The following DYM variants were observed in gnomAD, a reference collection of about 807,000 sequenced individuals.
DYM encodes the protein dyggve-Melchior-Clausen syndrome protein.
In DYM, 78 loss-of-function variants were observed where a neutral mutation model predicts 93.1. That is an observed-to-expected ratio of 0.84 (90% CI 0.70 to 1.01). DYM has a LOEUF of 1.01. Among genes scored for constraint, DYM ranks in the 50% least tolerant of loss-of-function variants. The pLI is 0.00. For synonymous variants in DYM, 321 were observed against 319.7 expected, an observed-to-expected ratio of 1.00 and a Z score of -0.04; for missense variants, 789 against 845.0, an observed-to-expected ratio of 0.93 and a Z score of 0.82.
intron 8 of DYM, among the ~76,000 whole-genome samples, chr18:49,292,796 A>C (rs938853867): frequency 1.3e-5 from 2 of 152,082 alleles, no homozygotes; most frequent in African/African-American, 4.8e-5. Flanking sequence ...AAAATTAACT[A>C]AAAGAACAAA....
chr18:49,076,090 C>T (rs561344139), intron 17 of DYM, among the ~76,000 whole-genome samples: 28 of 151,704 alleles, frequency 1.8e-4, no homozygotes, highest in African/African-American at 6.8e-4. Flanking sequence ...CAAAGCAAAA[C>T]GGATCAACCA....
intron 2 of DYM, among the ~76,000 whole-genome samples, chr18:49,422,582 A>G (rs1378042724): frequency 6.6e-6 from 1 of 152,214 alleles, no homozygotes; most frequent in Non-Finnish European, 1.5e-5. Flanking sequence ...AAATGCTCCA[A>G]TTAAAAGACA....
intron 8 of DYM, among the ~76,000 whole-genome samples, chr18:49,289,758 T>TAC (rs1232919148): frequency 5.2e-5 from 2 of 38,164 alleles, no homozygotes; most frequent in African/African-American, 6.9e-5. Context: ...TATATATATA[T>TAC]ATATATATAT....
intron 17 of DYM, chr18:49,097,114 T>A (rs1031601737): frequency 2.1e-6 from 1 of 477,558 alleles, no homozygotes; most frequent in Non-Finnish European, 3.8e-6. Flanking sequence ...CTCTTGATGA[T>A]ACTCTTAAGG....
chr18:49,341,719 T>C (rs1052359533), intron 6 of DYM, among the ~76,000 whole-genome samples: 11 of 152,080 alleles, frequency 7.2e-5, no homozygotes, highest in African/African-American at 2.7e-4. Flanking sequence ...AATTAAAAAA[T>C]TGACTATTTA....
chr18:49,346,529 T>C (rs1165902626), intron 6 of DYM, among the ~76,000 whole-genome samples: 3 of 152,160 alleles, frequency 2.0e-5, no homozygotes, highest in Non-Finnish European at 4.4e-5. Flanking sequence ...AGTTTCTCTT[T>C]GGATAATGAA....
At chr18:49,381,936 A>G (rs2068079081) in intron 3 of DYM, among the ~76,000 whole-genome samples, 1 of 152,164 alleles carries the variant, frequency 6.6e-6, no homozygotes, top group Non-Finnish European at 1.5e-5. Flanking sequence ...AGAATAGTTA[A>G]GGTTTGCAAA....
At chr18:49,309,676 A>T (rs746388363) in intron 8 of DYM, among the ~76,000 whole-genome samples, 7 of 152,248 alleles carry the variant, frequency 4.6e-5, no homozygotes, top group Non-Finnish European at 1.0e-4. Flanking sequence ...TGTAATGTAT[A>T]AACCATAGAT....
At chr18:49,047,774 T>C (rs1316664030) in intron 17 of DYM, among the ~76,000 whole-genome samples, 2 of 152,010 alleles carry the variant, frequency 1.3e-5, no homozygotes, top group African/African-American at 4.8e-5. Flanking sequence ...TGGAATCAGG[T>C]GTCTAAGAGG....
intron 1 of DYM, among the ~76,000 whole-genome samples, chr18:49,444,651 T>G (rs955847522): frequency 6.6e-6 from 1 of 152,164 alleles, no homozygotes; most frequent in African/African-American, 2.4e-5. Context: ...TCAATGCAAG[T>G]AGAAACGAAC....
intron 8 of DYM, among the ~76,000 whole-genome samples, chr18:49,302,268 AATAG>A (rs1349963331): frequency 5.3e-5 from 8 of 152,214 alleles, no homozygotes; most frequent in African/African-American, 1.9e-4. Flanking sequence ...CATGGCTCTA[AATAG>A]ATACTGTTCC....
chr18:49,050,858 G>A (rs1240985340), intron 17 of DYM, among the ~76,000 whole-genome samples: 2 of 152,122 alleles, frequency 1.3e-5, no homozygotes, highest in Non-Finnish European at 2.9e-5. Context: ...TTCTAAGAAG[G>A]CAGGGACCTT....
chr18:49,316,731 C>A (rs530665695), intron 8 of DYM, among the ~76,000 whole-genome samples: 28 of 152,208 alleles, frequency 1.8e-4, no homozygotes, highest in African/African-American at 6.5e-4. Flanking sequence ...TCCCCCTGAA[C>A]CCCTGGCTAT....
chr18:49,428,969 T>C (rs1328858940), intron 2 of DYM, among the ~76,000 whole-genome samples: 1 of 152,256 alleles, frequency 6.6e-6, no homozygotes, highest in Non-Finnish European at 1.5e-5. Flanking sequence ...CTTACAGTTC[T>C]GTAGGTCAGA....
rs192163744 is a variant in DYM, at chr18:49,378,558, A to C, written c.421+9T>G. ...ATATATCCAGAACATCTTTAAAAACAATACTTACTGTAATTGCCAGGAGAT... is the reference window on the plus strand; with the variant it reads ...ATATATCCAGAACATCTTTAAAAACCATACTTACTGTAATTGCCAGGAGAT... On this transcript the variant is annotated intron_variant, in intron 5 of 17. Transcript: ENST00000675505. 6.7e-5 allele frequency: 108 copies of C among 1,605,248 alleles called. No individual in the cohort carries two copies. The East Asian group carries it at 2.4e-3, about 36-fold the overall frequency.
At chr18:49,157,120 T>C (rs1389588727) in intron 15 of DYM, among the ~76,000 whole-genome samples, 29 of 152,056 alleles carry the variant, frequency 1.9e-4, no homozygotes, top group African/African-American at 2.4e-5. Context: ...AGTCCATCTT[T>C]GGGGTTCAGG....
At chr18:49,440,947 A>ATAATATT (rs553107253) in intron 1 of DYM, among the ~76,000 whole-genome samples, 2 of 698 alleles carry the variant, frequency 2.9e-3, no homozygotes, top group Non-Finnish European at 4.4e-3. Context: ...TATATAATAT[A>ATAATATT]TTATATAAAT....
At chr18:49,210,373 A>G (rs1289620386) in intron 13 of DYM, among the ~76,000 whole-genome samples, 1 of 152,242 alleles carries the variant, frequency 6.6e-6, no homozygotes, top group African/African-American at 2.4e-5. Context: ...ATTATTATTT[A>G]GGGCTAAAAA....
chr18:49,415,621 G>A (rs1416063094), intron 2 of DYM, among the ~76,000 whole-genome samples: 1 of 151,952 alleles, frequency 6.6e-6, no homozygotes, highest in Non-Finnish European at 1.5e-5. Context: ...TTTCTGAAAA[G>A]TAGCCTTTAT....
Sources: allele counts gnomAD v4.1 joint callset (sites outside exome capture counted in the v4.1 genomes callset), GRCh38; gene constraint gnomAD v4.1.1; transcripts MANE v1.5; gene names NCBI Gene and HGNC (gene_info 2026-07-23, HGNC 2026-07-21).